Variants in EXD3 observed in about 807,000 individuals in gnomAD.
EXD3 encodes exonuclease 3'-5' domain containing 3.
In EXD3, 92 loss-of-function variants were observed where a neutral mutation model predicts 98.0. That is an observed-to-expected ratio of 0.94 (90% CI 0.79 to 1.12). The LOEUF is 1.12. Among genes scored for constraint, EXD3 ranks in the 50% most tolerant of loss-of-function variants. The pLI is 0.00. For missense variants in EXD3, 1,222 were observed against 1,191.6 expected, an observed-to-expected ratio of 1.03 and a Z score of -0.38; for synonymous variants, 569 against 526.0, an observed-to-expected ratio of 1.08 and a Z score of -1.12.
intron 17 of EXD3, among the ~76,000 whole-genome samples, chr9:137,328,610 GGC>G (rs1189952645): frequency 3.4e-5 from 3 of 88,946 alleles, no homozygotes; most frequent in African/African-American, 2.2e-4. Context: ...GACTACACGG[GGC>G]TACACGGGAC....
Position 137,355,360 on chromosome 9 carries a change from C to T in EXD3, c.758-587G>A, listed in dbSNP as rs975704689. On this transcript the variant is annotated intron_variant, in intron 8 of 21. Coordinates refer to ENST00000340951, the MANE Select transcript of EXD3 (RefSeq NM_017820.5). ...GGTGCCGACCTTTCAGGGCCCCACC[C>T]CCCACGCCCAGAGCGCAGCCACGGG... 3.3e-5 allele frequency among the ~76,000 whole-genome samples: 5 copies of T among 151,780 alleles called. No individual in the cohort carries two copies. In the East Asian group the frequency reaches 7.8e-4, roughly 24 times the overall value.
At chr9:137,320,433 C>G (rs1437911891) in intron 19 of EXD3, among the ~76,000 whole-genome samples, 2 of 152,358 alleles carry the variant, frequency 1.3e-5, no homozygotes, top group Admixed American at 6.5e-5. Flanking sequence ...CACGGGGGTG[C>G]AGCTCTGGCC....
intron 2 of EXD3, chr9:137,392,751 C>T (rs1481871748): frequency 4.8e-5 from 16 of 334,564 alleles, no homozygotes; most frequent in Non-Finnish European, 7.2e-5. Flanking sequence ...CAGGGGGCAC[C>T]GAGGCTGTTC....
Position 137,404,003 on chromosome 9 carries a change from T to C in EXD3, c.-47-8599A>G, listed in dbSNP as rs149969499. ...GAGTGACAGGGACGTGTGTCCTCAC[T>C]GTCCCGAGGCTGCAGCTCTGAGACT... is the stretch of plus-strand genomic sequence containing the variant. On this transcript the variant is annotated intron_variant, in intron 1 of 21. Transcript: ENST00000340951. 5.2e-3 allele frequency among the ~76,000 whole-genome samples: 768 copies of C among 147,628 alleles called. 1 individual carries two copies. The highest frequency in any genetic ancestry group is 0.031 in the South Asian group (134 of 4,356).
intron 2 of EXD3, among the ~76,000 whole-genome samples, chr9:137,386,113 C>T (rs986033958): frequency 1.3e-5 from 2 of 151,852 alleles, no homozygotes; most frequent in African/African-American, 4.8e-5. Flanking sequence ...CTGGGCAAGA[C>T]AGCAAGACCC....
chr9:137,418,049 A>G (rs1003060862), intron 1 of EXD3, among the ~76,000 whole-genome samples: 3 of 152,106 alleles, frequency 2.0e-5, no homozygotes, highest in African/African-American at 7.2e-5. Context: ...CACTTCTCCT[A>G]TTAATCTCCT....
At chr9:137,408,613 C>T (rs568093833) in intron 1 of EXD3, among the ~76,000 whole-genome samples, 1 of 151,500 alleles carries the variant, frequency 6.6e-6, no homozygotes, top group Non-Finnish European at 1.5e-5. Context: ...ACACCTCCCC[C>T]CAGCTGCTCA....
intron 3 of EXD3, among the ~76,000 whole-genome samples, chr9:137,378,398 T>TG (rs916836974): frequency 3.4e-4 from 52 of 151,968 alleles, no homozygotes; most frequent in African/African-American, 1.2e-3. Context: ...TTGGTTTAGA[T>TG]GGGGTTTCGC....
At chr9:137,411,720 TGGGTGGGGGAGGGGGAGG>T (rs1838011280) in intron 1 of EXD3, among the ~76,000 whole-genome samples, 1 of 4,116 alleles carries the variant, frequency 2.4e-4, no homozygotes. Flanking sequence ...GGGAGGGGGA[TGGGTGGGGGAGGGGGAGG>T]GGGTGGGGGA....
At chr9:137,379,306 G>T (rs1262951937) in intron 3 of EXD3, among the ~76,000 whole-genome samples, 60 of 142,608 alleles carry the variant, frequency 4.2e-4, no homozygotes, top group Non-Finnish European at 5.2e-4. Flanking sequence ...CCGTTGCCTG[G>T]GGCCGAGGGG....
At chr9:137,410,066 C>T (rs1837922075) in intron 1 of EXD3, among the ~76,000 whole-genome samples, 1 of 151,966 alleles carries the variant, frequency 6.6e-6, no homozygotes, top group Non-Finnish European at 1.5e-5. Flanking sequence ...ATCCCAGCTA[C>T]TCGGGACGTT....
chr9:137,310,695 C>T (rs1248186878), intron 19 of EXD3, among the ~76,000 whole-genome samples: 1 of 152,202 alleles, frequency 6.6e-6, no homozygotes, highest in Non-Finnish European at 1.5e-5. Flanking sequence ...GGTCAGATAC[C>T]CAGGACTCCC....
intron 2 of EXD3, among the ~76,000 whole-genome samples, chr9:137,386,763 C>A (rs1836612370): frequency 6.6e-6 from 1 of 151,646 alleles, no homozygotes; most frequent in Non-Finnish European, 1.5e-5. Context: ...CCCCTCAGCA[C>A]CCCTGCTCCC....
rs571001679 is a variant in EXD3, at chr9:137,318,994, A to G, written c.2184+4731T>C. Among the ~76,000 whole-genome samples, 4 of 152,276 alleles carry G rather than the reference A, an allele frequency of 2.6e-5. No homozygotes were observed. In the East Asian group the frequency reaches 7.7e-4, roughly 29 times the overall value. On this transcript the variant is annotated intron_variant, in intron 19 of 21. Transcript: ENST00000340951. ...CGTTGAGCGGGCTTTCCCTCCGGGA[A>G]CGGCACCAAAATAGCAGAAGGAAGA... is the stretch of plus-strand genomic sequence containing the variant.
chr9:137,311,892 G>A lies in EXD3; in HGVS notation c.2185-2192C>T, dbSNP rs569377719. Among the ~76,000 whole-genome samples, 5 of 152,264 alleles carry A rather than the reference G, an allele frequency of 3.3e-5. No homozygotes were observed. In the South Asian group the frequency reaches 8.3e-4, roughly 25 times the overall value. Reference sequence around the variant, plus strand: ...GAGTGAGTGGTGCTGGTGGCCCAGCGCACGTCTTGCCTTTGGACAGCGATC... The same window carrying A: ...GAGTGAGTGGTGCTGGTGGCCCAGCACACGTCTTGCCTTTGGACAGCGATC... On this transcript the variant is annotated intron_variant, in intron 19 of 21. Coordinates refer to ENST00000340951, the MANE Select transcript of EXD3 (RefSeq NM_017820.5).
chr9:137,344,320 C>T (rs571589168), intron 17 of EXD3, among the ~76,000 whole-genome samples: 8 of 152,222 alleles, frequency 5.3e-5, no homozygotes, highest in South Asian at 2.1e-4. Context: ...CAACAACTTC[C>T]GGCACCAAAA....
intron 1 of EXD3, among the ~76,000 whole-genome samples, chr9:137,400,751 C>T (rs1047621129): frequency 4.2e-4 from 62 of 149,250 alleles, no homozygotes; most frequent in African/African-American, 1.4e-3. Flanking sequence ...GGCAACAGAG[C>T]GAGACTCCAT....
At position 137,422,238 on chromosome 9, in the gene EXD3, T is replaced by C. The variant is rs546949657; in HGVS notation, c.-48+876A>G. 1.8e-4 allele frequency among the ~76,000 whole-genome samples: 28 copies of C among 151,774 alleles called. No homozygotes were observed. In the South Asian group the frequency reaches 4.0e-3, roughly 21 times the overall value. The stretch of plus-strand genomic sequence containing the variant: ...CACTCTGACCCTCAGATTTTGATAA[T>C]CAATGCTTTCAAGAAGAAAGATTTT... On this transcript the variant is annotated intron_variant, in intron 1 of 21. Transcript: ENST00000340951.
At position 137,386,436 on chromosome 9, in the gene EXD3, T is replaced by G. The variant is rs191975833; in HGVS notation, c.56-3059A>C. On this transcript the variant is annotated intron_variant, in intron 2 of 21. Transcript: ENST00000340951. Reference sequence around the variant, plus strand: ...GTTGCTGGTCTTTGCCCTGCTCAGGTCCTGCTGGTTCTGCCCTCCAGGTGG... The same window carrying G: ...GTTGCTGGTCTTTGCCCTGCTCAGGGCCTGCTGGTTCTGCCCTCCAGGTGG... Among the ~76,000 whole-genome samples the G allele has an allele frequency of 9.0e-3, 1,372 of 152,174 alleles. 21 individuals carry two copies. Among genetic ancestry groups the G allele is most frequent in the African/African-American group, 0.03 (1,264 of 41,524 alleles).
Sources: gnomAD v4.1 joint callset for allele counts (sites outside exome capture counted in the v4.1 genomes callset) on GRCh38, gnomAD v4.1.1 for gene constraint, MANE v1.5 for transcripts, NCBI Gene and HGNC (gene_info 2026-07-23, HGNC 2026-07-21) for gene names.